Variants in FSD1L observed in about 807,000 individuals in gnomAD.
FSD1L encodes the protein fibronectin type III and SPRY domain containing 1 like.
A neutral mutation model predicts 71.6 loss-of-function variants in FSD1L; 45 were observed. The observed-to-expected ratio is 0.63, with a 90% CI of 0.49 to 0.81. FSD1L has a LOEUF of 0.81. Ranked by LOEUF, FSD1L falls within the 30% of genes least tolerant of loss-of-function variation. The pLI, the probability that FSD1L is intolerant of heterozygous loss-of-function variation, is 0.00. For missense variants in FSD1L, 561 were observed against 618.1 expected (o/e 0.91, Z 0.98); for synonymous variants, 197 against 207.2 (o/e 0.95, Z 0.42).
At position 105,461,544 on chromosome 9, in the gene FSD1L, G is replaced by A. The variant is rs767481897; in HGVS notation, c.40G>A (p.Val14Ile). 16 of 1,550,774 alleles carry A rather than the reference G, an allele frequency of 1.0e-5. No individual in the cohort carries two copies. The highest frequency in any genetic ancestry group is 1.4e-5 in the Non-Finnish European group (16 of 1,146,242). The change falls in exon 2 of 14, where the codon GTT (valine) becomes ATT (isoleucine). Residue 14 changes from valine (V) to isoleucine (I), a missense_variant. Coordinates refer to ENST00000481272, the MANE Select transcript of FSD1L (RefSeq NM_001145313.3). ...GTACTGCTTTAAGGAGAATGAAAAC[G>A]TTACAGTTGATAAAGCCTGTTTTCT... ...QKYCFKENEN[V>I]TVDKACFLIS...
chr9:105,451,206 G>A (rs7852541), intron 1 of FSD1L, among the ~76,000 whole-genome samples: 18,726 of 152,206 alleles, frequency 0.12, 1,525 homozygotes, highest in East Asian at 0.46. Context: ...TGATCCGCCC[G>A]CCTCGGCCTC....
chr9:105,512,888 G>A lies in FSD1L; in HGVS notation c.977G>A (p.Gly326Glu). The A allele has an allele frequency of 6.5e-7, 1 of 1,542,648 alleles. No homozygotes were observed. The highest frequency in any genetic ancestry group is 8.8e-7 in the Non-Finnish European group (1 of 1,142,802). Reference sequence around the variant, plus strand: ...ACATGTGTAGAGTGGGATCCTACTGGAGGAAAAGGTCAAGAAAGTAAAATT... The same window carrying A: ...ACATGTGTAGAGTGGGATCCTACTGAAGGAAAAGGTCAAGAAAGTAAAATT... ...EDTCVEWDPTGGKGQESKIKG... is the reference protein window; with the variant it reads ...EDTCVEWDPTEGKGQESKIKG... Residue 326 changes from glycine to glutamate, a missense_variant, in exon 10 of 14, where the codon GGA becomes GAA. Gly to Glu is a moderately conservative substitution (Grantham distance 98). Coordinates refer to ENST00000481272, the MANE Select transcript of FSD1L (RefSeq NM_001145313.3).
At chr9:105,463,009 A>G (rs12686557) in intron 2 of FSD1L, among the ~76,000 whole-genome samples, 82,744 of 150,280 alleles carry the variant, frequency 0.55, 23,009 homozygotes, top group East Asian at 0.71. Flanking sequence ...GTGGTGGCGG[A>G]CACCTGTAAT....
At chr9:105,443,294 A>G (rs1055347198), upstream of FSD1L, among the ~76,000 whole-genome samples, 1 of 152,240 alleles carries the variant, frequency 6.6e-6, no homozygotes, top group African/African-American at 2.4e-5. Flanking sequence ...CGAAGGCGAA[A>G]GGCACATCCT....
intron 13 of FSD1L, 78 bp downstream of exon 13, chr9:105,539,429 T>C (rs1836466220): frequency 3.9e-6 from 2 of 513,048 alleles, no homozygotes; most frequent in East Asian, 7.0e-5. Flanking sequence ...TTCTATACTG[T>C]ATATTTGGAG....
intron 10 of FSD1L, among the ~76,000 whole-genome samples, chr9:105,513,169 AT>A (rs1834495496): frequency 1.3e-5 from 2 of 152,068 alleles, no homozygotes; most frequent in Non-Finnish European, 1.5e-5. Flanking sequence ...TCATTTCAGT[AT>A]TCCATTTCTT....
chr9:105,532,527 T>C (rs1835959059), intron 10 of FSD1L, among the ~76,000 whole-genome samples: 1 of 152,202 alleles, frequency 6.6e-6, no homozygotes, highest in African/African-American at 2.4e-5. Context: ...TTTGTTTCTA[T>C]CCTTCATTTT....
chr9:105,494,573 C>T (rs760254595), intron 7 of FSD1L, among the ~76,000 whole-genome samples: 27 of 152,144 alleles, frequency 1.8e-4, no homozygotes, highest in Non-Finnish European at 2.9e-4. Flanking sequence ...GGAGGAGAGG[C>T]GCTCTGGTTT....
intron 7 of FSD1L, among the ~76,000 whole-genome samples, chr9:105,491,732 C>T (rs964067938): frequency 6.6e-6 from 1 of 151,950 alleles, no homozygotes; most frequent in Non-Finnish European, 1.5e-5. Context: ...TTGTCAAAGG[C>T]CTTTTCTGCA....
At chr9:105,515,705 C>T (rs924868827) in intron 10 of FSD1L, among the ~76,000 whole-genome samples, 1 of 152,122 alleles carries the variant, frequency 6.6e-6, no homozygotes, top group Non-Finnish European at 1.5e-5. Flanking sequence ...GAGATCCCTT[C>T]TGGTGCCTAC....
At chr9:105,520,478 A>T in intron 10 of FSD1L, 1 of 1,053,672 alleles carries the variant, frequency 9.5e-7, no homozygotes, top group Non-Finnish European at 1.5e-6. Context: ...AAAGGTCACA[A>T]GTCTCAAAGA....
chr9:105,522,447 C>T (rs1835231614), intron 10 of FSD1L: 10 of 1,613,620 alleles, frequency 6.2e-6, no homozygotes, highest in South Asian at 2.2e-5. Flanking sequence ...CCCAATGAGA[C>T]AGAGGAGTGC....
intron 10 of FSD1L, among the ~76,000 whole-genome samples, chr9:105,533,887 C>T (rs1317299471): frequency 6.6e-6 from 1 of 152,012 alleles, no homozygotes; most frequent in Non-Finnish European, 1.5e-5. Context: ...CCACGCCCTA[C>T]TAATTTTGTA....
chr9:105,479,933 G>A (rs1486009415), intron 6 of FSD1L, among the ~76,000 whole-genome samples: 2 of 152,084 alleles, frequency 1.3e-5, no homozygotes, highest in East Asian at 3.9e-4. Flanking sequence ...ATTATTAAAG[G>A]TTTTGGTTTA....
At position 105,548,590 on chromosome 9, in the gene FSD1L, CAG is replaced by C. The variant is rs1170161996; in HGVS notation, c.*2108_*2109del. The stretch of plus-strand genomic sequence containing the variant: ...GGCATGGGGAAATGCATATATTAAT[CAG>C]GGGCTGGAGGAGTATACATGATTCT... On this transcript the variant is annotated 3_prime_UTR_variant, in exon 14 of 14. Coordinates refer to ENST00000481272, the MANE Select transcript of FSD1L (RefSeq NM_001145313.3). 1.3e-5 allele frequency: 2 copies of C among 152,384 alleles called. No individual in the cohort carries two copies. Among genetic ancestry groups the C allele is most frequent in the African/African-American group, 4.8e-5 (2 of 41,390 alleles). The allele number at this position is 152,384 out of a possible 1,614,324, so 9.4% of individuals were successfully genotyped here.
At chr9:105,456,925 TTATC>T in intron 1 of FSD1L, among the ~76,000 whole-genome samples, 1 of 152,338 alleles carries the variant, frequency 6.6e-6, no homozygotes, top group Non-Finnish European at 1.5e-5. Context: ...TCATCTCTGT[TTATC>T]TATTTATCCA....
chr9:105,546,386 C>G lies in FSD1L; in HGVS notation c.1496C>G (p.Thr499Ser), dbSNP rs1463085671. 11 of 1,549,346 alleles carry G rather than the reference C, an allele frequency of 7.1e-6. No individual in the cohort carries two copies. Among genetic ancestry groups the G allele is most frequent in the East Asian group, 2.4e-5 (1 of 40,860 alleles). The change falls in exon 14 of 14, where the codon ACT becomes AGT. Residue 499 changes from threonine (T) to serine (S), a missense_variant. By Grantham distance (58) the Thr-to-Ser change is moderately conservative (BLOSUM62 1). This residue lies in a region of FSD1L where 98 missense variants were observed against 102.3 expected (regional missense o/e 0.96). Transcript: ENST00000481272. ...TGGTGTGGTGGACTTTCTTTGAGTA[C>G]TGGGATGCAGGTTCCAAGTGCTGTG... Reference protein sequence around the residue: ...MVWCGGLSLSTGMQVPSAVRT... With the variant: ...MVWCGGLSLSSGMQVPSAVRT...
At chr9:105,446,303 G>A (rs534800594), upstream of FSD1L, among the ~76,000 whole-genome samples, 1 of 152,244 alleles carries the variant, frequency 6.6e-6, no homozygotes, top group East Asian at 1.9e-4. Flanking sequence ...TCATTTCCAA[G>A]AGAGATCTTC....
intron 7 of FSD1L, among the ~76,000 whole-genome samples, chr9:105,506,063 A>G (rs996265878): frequency 6.6e-6 from 1 of 152,094 alleles, no homozygotes; most frequent in Non-Finnish European, 1.5e-5. Flanking sequence ...GGGAAAATAC[A>G]CTCTTGAATT....
Sources: allele counts gnomAD v4.1 joint callset (sites outside exome capture counted in the v4.1 genomes callset), GRCh38; gene constraint gnomAD v4.1.1; regional missense constraint gnomAD v4.1.1; transcripts MANE v1.5; gene names NCBI Gene and HGNC (gene_info 2026-07-23, HGNC 2026-07-21).